Variants in MYO3A observed in about 807,000 individuals in gnomAD.
The protein encoded by MYO3A is myosin IIIA.
A neutral mutation model predicts 192.7 loss-of-function variants in MYO3A; 180 were observed. That is an observed-to-expected ratio of 0.93 (90% CI 0.83 to 1.06). MYO3A has a LOEUF of 1.06. Ranked by LOEUF, MYO3A falls within the 50% of genes least tolerant of loss-of-function variation. MYO3A has a pLI of 0.00. For missense variants in MYO3A, 1,896 were observed against 1,905.0 expected (o/e 1.00, Z 0.09); for synonymous variants, 628 against 645.3 (o/e 0.97, Z 0.41).
intron 21 of MYO3A, among the ~76,000 whole-genome samples, chr10:26,144,589 T>C (rs1030498000): frequency 6.6e-6 from 1 of 152,124 alleles, no homozygotes; most frequent in Non-Finnish European, 1.5e-5. Context: ...TCAGCTGCCT[T>C]TAAGATCATG....
At chr10:26,031,272 G>A (rs565421071) in intron 10 of MYO3A, among the ~76,000 whole-genome samples, 46 of 152,258 alleles carry the variant, frequency 3.0e-4, no homozygotes, top group African/African-American at 8.9e-4. Flanking sequence ...CATGAAAGCC[G>A]GTGGCTTCAA....
chr10:26,203,061 A>G lies in MYO3A; in HGVS notation c.4684A>G (p.Arg1562Gly), dbSNP rs142820836. 1.4e-5 allele frequency: 22 copies of G among 1,613,710 alleles called. No homozygotes were observed. Among genetic ancestry groups the G allele is most frequent in the East Asian group, 2.2e-5 (1 of 44,832 alleles). The change falls in exon 34 of 35, where the codon AGA (arginine) becomes GGA (glycine). Residue 1562 changes from arginine to glycine, a missense_variant. Coordinates refer to ENST00000642920, the MANE Select transcript of MYO3A (RefSeq NM_017433.5). ...ACATAGCCCTAGTTTAAGAGAACGA[A>G]GACCACAGCAAGAACTCCAGAATCA... is the stretch of plus-strand genomic sequence containing the variant. The part of the protein sequence containing the change: ...KEHSPSLRER[R>G]PQQELQNQCI...
intron 25 of MYO3A, among the ~76,000 whole-genome samples, chr10:26,156,834 T>C (rs1471454350): frequency 6.6e-6 from 1 of 152,186 alleles, no homozygotes; most frequent in East Asian, 1.9e-4. Context: ...CCTGATCGTC[T>C]CCCTCCTCGT....
intron 2 of MYO3A, among the ~76,000 whole-genome samples, chr10:25,948,347 A>AAAAAATCC (rs1836993519): frequency 6.6e-6 from 1 of 152,222 alleles, no homozygotes; most frequent in African/African-American, 2.4e-5. Flanking sequence ...TTCTATCTTA[A>AAAAAATCC]AAAAATCCAA....
At chr10:26,109,881 G>A (rs995144741) in intron 17 of MYO3A, among the ~76,000 whole-genome samples, 2 of 152,094 alleles carry the variant, frequency 1.3e-5, no homozygotes, top group African/African-American at 4.8e-5. Flanking sequence ...GGAGCCAGAG[G>A]GGAATCTGGA....
At chr10:26,080,906 A>G (rs1164800928) in intron 14 of MYO3A, among the ~76,000 whole-genome samples, 1 of 152,136 alleles carries the variant, frequency 6.6e-6, no homozygotes, top group East Asian at 1.9e-4. Flanking sequence ...GATGTAAACC[A>G]TCTATGGGTC....
At chr10:26,139,937 C>T (rs1564587621) in intron 20 of MYO3A, among the ~76,000 whole-genome samples, 1 of 151,952 alleles carries the variant, frequency 6.6e-6, no homozygotes, top group Non-Finnish European at 1.5e-5. Context: ...AATGTTCATA[C>T]CATGTGATCA....
At chr10:26,169,962 C>T (rs999267279) in intron 28 of MYO3A, among the ~76,000 whole-genome samples, 2 of 152,080 alleles carry the variant, frequency 1.3e-5, no homozygotes, top group Non-Finnish European at 2.9e-5. Context: ...TGGGCGCTGC[C>T]CTGACACAGG....
intron 8 of MYO3A, chr10:26,022,114 T>C (rs1842337768): frequency 6.5e-6 from 1 of 152,892 alleles, no homozygotes; most frequent in South Asian, 2.0e-4. Flanking sequence ...TTTAAACATG[T>C]TAGTATTTTG....
chr10:26,128,200 A>G (rs1785050035), intron 19 of MYO3A, among the ~76,000 whole-genome samples, 191 bp from the exon 20 acceptor site: 5 of 152,216 alleles, frequency 3.3e-5, no homozygotes, highest in Admixed American at 3.3e-4. Flanking sequence ...TCATTTTCAT[A>G]TAAAAATCAA....
At chr10:26,026,141 G>A (rs1426295745) in intron 9 of MYO3A, among the ~76,000 whole-genome samples, 2 of 138,638 alleles carry the variant, frequency 1.4e-5, no homozygotes, top group African/African-American at 2.5e-5. Flanking sequence ...TTGAAAGTTG[G>A]TATCACTGCA....
intron 20 of MYO3A, among the ~76,000 whole-genome samples, chr10:26,139,765 G>A (rs1304131012): frequency 2.0e-5 from 3 of 152,022 alleles, no homozygotes; most frequent in Non-Finnish European, 2.9e-5. Context: ...AGCCAGGCAC[G>A]CCTGTAATCC....
intron 20 of MYO3A, among the ~76,000 whole-genome samples, chr10:26,142,598 C>T (rs1840226806): frequency 6.6e-6 from 1 of 152,146 alleles, no homozygotes; most frequent in African/African-American, 2.4e-5. Context: ...TTGTTACCCC[C>T]ATTTAATAGA....
intron 17 of MYO3A, among the ~76,000 whole-genome samples, chr10:26,099,089 G>A (rs560599519): frequency 1.7e-4 from 26 of 152,276 alleles, no homozygotes; most frequent in African/African-American, 6.0e-4. Context: ...ATTTCGTTGA[G>A]CAGTGGTTTG....
rs370017770 is a variant in MYO3A at position 26,068,889 on chromosome 10, G to A, written c.1170+5G>A. The A allele has an allele frequency of 2.6e-5, 40 of 1,510,952 alleles. No homozygotes were observed. In the African/African-American group the frequency reaches 5.2e-4, roughly 20 times the overall value. 93.6% of individuals were successfully genotyped at this position (1,510,952 alleles called of 1,614,324 possible). ...CTGGGTCTTTACTCCACAAAGGTAT[G>A]TCGTATGGGGTGCATTCTGTTACTT... On this transcript the variant is annotated splice_donor_5th_base_variant and intron_variant, in intron 12 of 34. Coordinates refer to ENST00000642920, the MANE Select transcript of MYO3A (RefSeq NM_017433.5).
chr10:25,992,859 C>T (rs1840144287), intron 4 of MYO3A, among the ~76,000 whole-genome samples: 1 of 152,118 alleles, frequency 6.6e-6, no homozygotes, highest in Non-Finnish European at 1.5e-5. Context: ...GGATGAAGCC[C>T]ACTTGATCAT....
chr10:26,017,748 C>A (rs1420377365), intron 7 of MYO3A, among the ~76,000 whole-genome samples: 1 of 151,236 alleles, frequency 6.6e-6, no homozygotes, highest in Non-Finnish European at 1.5e-5. Context: ...TTAAAAAAAT[C>A]CACAATGGAT....
intron 4 of MYO3A, among the ~76,000 whole-genome samples, chr10:25,956,009 G>A (rs189687392): frequency 4.8e-4 from 73 of 152,280 alleles, no homozygotes; most frequent in Non-Finnish European, 1.3e-4. Context: ...CACTTGTCTG[G>A]TGAGGCCTGT....
At chr10:26,188,523 T>C (rs1286432667) in intron 31 of MYO3A, among the ~76,000 whole-genome samples, 2 of 152,210 alleles carry the variant, frequency 1.3e-5, no homozygotes, top group Non-Finnish European at 2.9e-5. Flanking sequence ...AATTTTGGCT[T>C]TTGTTGCCAT....
Sources: gnomAD v4.1 joint callset for allele counts (sites outside exome capture counted in the v4.1 genomes callset) on GRCh38, gnomAD v4.1.1 for gene constraint, MANE v1.5 for transcripts, NCBI Gene and HGNC (gene_info 2026-07-23, HGNC 2026-07-21) for gene names.